GRM8: variants seen among roughly 807,000 people sequenced by gnomAD.
The protein encoded by GRM8 is glutamate metabotropic receptor 8, also known as metabotropic glutamate receptor 8.
In GRM8, 47 loss-of-function variants were observed where a neutral mutation model predicts 87.2. The ratio of observed to expected loss-of-function variants is 0.54; its 90% CI spans 0.43 to 0.69. GRM8 has a LOEUF of 0.69. Among genes scored for constraint, GRM8 ranks in the 30% least tolerant of loss-of-function variants. The probability of loss-of-function intolerance (pLI) is 0.00; values close to 1 mark genes in which losing one functional copy is unlikely to be tolerated. For missense variants in GRM8, 1,019 were observed against 1,139.2 expected, an observed-to-expected ratio of 0.89 and a Z score of 1.52; for synonymous variants, 396 against 404.5, an observed-to-expected ratio of 0.98 and a Z score of 0.25.
chr7:126,889,337 A>G (rs1800780218), intron 6 of GRM8, among the ~76,000 whole-genome samples: 1 of 152,122 alleles, frequency 6.6e-6, no homozygotes, highest in Non-Finnish European at 1.5e-5. Flanking sequence ...AAGGCTGGGA[A>G]TTATTAAACA....
Position 126,543,126 on chromosome 7 carries a change from A to G in GRM8, c.1495-9239T>C, listed in dbSNP as rs556919221. ...TCTAACTCCCAGGCAATGCGCAACC[A>G]TCATTTAGCAATCCTCCTTAGTCCT... On this transcript the variant is annotated intron_variant, in intron 8 of 10. Coordinates refer to ENST00000339582, the MANE Select transcript of GRM8 (RefSeq NM_000845.3). 1.2e-4 allele frequency among the ~76,000 whole-genome samples: 18 copies of G among 152,320 alleles called. No individual in the cohort carries two copies. The South Asian group carries it at 3.3e-3, about 28-fold the overall frequency.
At chr7:126,579,122 C>T (rs1202230689) in intron 8 of GRM8, among the ~76,000 whole-genome samples, 1 of 152,080 alleles carries the variant, frequency 6.6e-6, no homozygotes, top group Non-Finnish European at 1.5e-5. Flanking sequence ...AAGAAAGACA[C>T]AAAAGTTAGA....
intron 2 of GRM8, among the ~76,000 whole-genome samples, chr7:127,130,527 A>C (rs1003947978): frequency 6.6e-6 from 1 of 152,240 alleles, no homozygotes; most frequent in Admixed American, 6.5e-5. Context: ...GCTTTTGAAA[A>C]GAGACTGGCG....
At chr7:126,907,593 G>A (rs1197049197) in intron 3 of GRM8, among the ~76,000 whole-genome samples, 1 of 151,880 alleles carries the variant, frequency 6.6e-6, no homozygotes, top group Non-Finnish European at 1.5e-5. Context: ...GGAGATAAGG[G>A]TCCAATTGTG....
chr7:127,228,359 T>C (rs1182412098), intron 2 of GRM8: 1 of 152,232 alleles, frequency 6.6e-6, no homozygotes, highest in Admixed American at 6.5e-5. Flanking sequence ...CCTCTTGCAC[T>C]GTTTCTGTTA....
chr7:126,508,206 T>C (rs146127713), intron 9 of GRM8, among the ~76,000 whole-genome samples: 2 of 151,776 alleles, frequency 1.3e-5, no homozygotes, highest in African/African-American at 4.8e-5. Context: ...GTTGCTATAA[T>C]AGAATACCAC....
At chr7:126,597,654 G>C (rs1232937110) in intron 8 of GRM8, among the ~76,000 whole-genome samples, 2 of 151,848 alleles carry the variant, frequency 1.3e-5, no homozygotes, top group Admixed American at 1.3e-4. Flanking sequence ...TAAAAGTCTA[G>C]AGTCACTAGC....
chr7:126,562,792 G>T (rs1793846344), intron 8 of GRM8, among the ~76,000 whole-genome samples: 1 of 152,166 alleles, frequency 6.6e-6, no homozygotes, highest in African/African-American at 2.4e-5. Context: ...AGCTACTTGG[G>T]AGGCTGAGGC....
rs11291980 is a variant in GRM8, at chr7:127,241,437, CTTTT to C, written c.510+1254_510+1257del. Among the ~76,000 whole-genome samples, 237 of 132,948 alleles carry C rather than the reference CTTTT, an allele frequency of 1.8e-3. 1 individual carries two copies. The highest frequency in any genetic ancestry group is 7.6e-3 in the Middle Eastern group (2 of 262). The allele number at this position is 132,948 out of a possible 152,430, so 87.2% of individuals were successfully genotyped here. On this transcript the variant is annotated intron_variant, in intron 2 of 10. Transcript: ENST00000339582. ...AATGTGCATAGGACCTTTTTTTTTTCTTTTTTTTTTTTTTGAGACAGAGTCTTGC... is the reference window on the plus strand; with the variant it reads ...AATGTGCATAGGACCTTTTTTTTTTCTTTTTTTTTTGAGACAGAGTCTTGC...
chr7:126,925,262 A>C (rs1270032162), intron 3 of GRM8, among the ~76,000 whole-genome samples: 2 of 152,210 alleles, frequency 1.3e-5, no homozygotes, highest in Admixed American at 1.3e-4. Flanking sequence ...ACTGTGAAAA[A>C]TTAAATAGCT....
At position 126,908,290 on chromosome 7, in the gene GRM8, G is replaced by A. The variant is rs575166744; in HGVS notation, c.728-3607C>T. On this transcript the variant is annotated intron_variant, in intron 3 of 10. Transcript: ENST00000339582. Reference sequence around the variant, plus strand: ...AAATCAGGTTTGGAGAAGGAGGAAAGGAGTGATTAAATATTTTGAGAAAAC... The same window carrying A: ...AAATCAGGTTTGGAGAAGGAGGAAAAGAGTGATTAAATATTTTGAGAAAAC... 1.6e-3 allele frequency among the ~76,000 whole-genome samples: 248 copies of A among 152,264 alleles called. 2 individuals are homozygous for A. Among genetic ancestry groups the A allele is most frequent in the Non-Finnish European group, 2.9e-3 (200 of 68,020 alleles).
Position 126,945,666 on chromosome 7 carries a change from C to A in GRM8, c.728-40983G>T, listed in dbSNP as rs1807458144. On this transcript the variant is annotated intron_variant, in intron 3 of 10. Transcript: ENST00000339582. ...ATGTCATTATGTATATGCAAATATT[C>A]TAACATTTGAAAGAAATTGAAATCC... Among the ~76,000 whole-genome samples, 6 of 152,174 alleles carry A rather than the reference C, an allele frequency of 3.9e-5. No homozygotes were observed. In the South Asian group the frequency reaches 1.2e-3, roughly 31 times the overall value.
chr7:126,649,553 T>C (rs1803556177), intron 7 of GRM8, among the ~76,000 whole-genome samples: 1 of 152,142 alleles, frequency 6.6e-6, no homozygotes, highest in Non-Finnish European at 1.5e-5. Context: ...TATATATCTA[T>C]CCTATTAGTT....
At chr7:126,505,782 C>T (rs750612043) in intron 9 of GRM8, among the ~76,000 whole-genome samples, 4 of 151,946 alleles carry the variant, frequency 2.6e-5, no homozygotes, top group Non-Finnish European at 4.4e-5. Flanking sequence ...AAATGATCAC[C>T]GCAATTTAGC....
intron 7 of GRM8, among the ~76,000 whole-genome samples, chr7:126,632,428 T>C (rs896787986): frequency 6.6e-6 from 1 of 152,180 alleles, no homozygotes; most frequent in African/African-American, 2.4e-5. Flanking sequence ...TTTTACACTG[T>C]TGGTGGGAAT....
intron 2 of GRM8, among the ~76,000 whole-genome samples, chr7:127,210,361 C>T (rs1270090744): frequency 6.6e-6 from 1 of 152,000 alleles, no homozygotes; most frequent in Admixed American, 6.6e-5. Context: ...CTTCCCAAGC[C>T]CCTTATGAGC....
At chr7:126,622,184 G>T (rs369232797) in intron 7 of GRM8, among the ~76,000 whole-genome samples, 19 of 152,204 alleles carry the variant, frequency 1.2e-4, no homozygotes, top group African/African-American at 4.6e-4. Context: ...GCATGACTCC[G>T]AGAGGGAATC....
At chr7:126,495,886 C>T (rs555428712) in intron 9 of GRM8, among the ~76,000 whole-genome samples, 1 of 152,088 alleles carries the variant, frequency 6.6e-6, no homozygotes, top group South Asian at 2.1e-4. Context: ...TATCCAATCT[C>T]ACTAGGCATA....
chr7:127,136,097 T>C (rs1563535739), intron 2 of GRM8, among the ~76,000 whole-genome samples: 2 of 152,122 alleles, frequency 1.3e-5, no homozygotes, highest in Non-Finnish European at 2.9e-5. Context: ...CACTAACACA[T>C]GGCTACATAT....
Sources: allele counts gnomAD v4.1 joint callset (sites outside exome capture counted in the v4.1 genomes callset), GRCh38; gene constraint gnomAD v4.1.1; transcripts MANE v1.5; gene names NCBI Gene and HGNC (gene_info 2026-07-23, HGNC 2026-07-21).